Variants in IL1RAPL2 observed in about 807,000 individuals in gnomAD.
IL1RAPL2 encodes interleukin 1 receptor accessory protein like 2, also known as X-linked interleukin-1 receptor accessory protein-like 2.
In IL1RAPL2, 3 loss-of-function variants were observed where a neutral mutation model predicts 44.1. The ratio of observed to expected loss-of-function variants is 0.07; its 90% CI spans 0.03 to 0.18. The LOEUF (loss-of-function observed/expected upper bound fraction) is 0.18, where lower values mean the gene tolerates loss of function less well. Among genes scored for constraint, IL1RAPL2 ranks in the 10% least tolerant of loss-of-function variants. The probability of loss-of-function intolerance (pLI) is 1.00; values close to 1 mark genes in which losing one functional copy is unlikely to be tolerated. For synonymous variants in IL1RAPL2, 181 were observed against 178.8 expected, an observed-to-expected ratio of 1.01 and a Z score of -0.10; for missense variants, 391 against 496.4, an observed-to-expected ratio of 0.79 and a Z score of 2.02.
chrX:105,157,234 A>T (rs2033277560), intron 2 of IL1RAPL2, among the ~76,000 whole-genome samples: 1 of 110,846 alleles, frequency 9.0e-6, no homozygotes, highest in Non-Finnish European at 1.9e-5. Flanking sequence ...GGGGGACAGG[A>T]AAGCCATCAG....
intron 2 of IL1RAPL2, among the ~76,000 whole-genome samples, chrX:104,677,386 G>C (rs1203589037): frequency 9.0e-6 from 1 of 110,660 alleles, no homozygotes; most frequent in Non-Finnish European, 1.9e-5. Context: ...CCTGCTGGGG[G>C]GTGCCTCCCA....
At chrX:105,717,144 G>A (rs1465857330) in intron 6 of IL1RAPL2, among the ~76,000 whole-genome samples, 1 of 111,636 alleles carries the variant, frequency 9.0e-6, no homozygotes, top group East Asian at 2.9e-4. Flanking sequence ...AGAAAACTGA[G>A]TAACTTTGTA....
chrX:105,753,044 G>T (rs2038609004), intron 9 of IL1RAPL2: 1 of 327,096 alleles, frequency 3.1e-6, no homozygotes, highest in South Asian at 2.6e-5. Context: ...CATGCTCTTT[G>T]TCACATCTTA....
chrX:105,103,664 C>T (rs767571638), intron 2 of IL1RAPL2, among the ~76,000 whole-genome samples: 10 of 111,495 alleles, frequency 9.0e-5, no homozygotes, highest in African/African-American at 3.3e-4. Flanking sequence ...TAAAATTGGC[C>T]ATCTTTACAA....
intron 2 of IL1RAPL2, among the ~76,000 whole-genome samples, chrX:105,113,109 A>G (rs1410260785): frequency 2.7e-5 from 3 of 112,433 alleles, no homozygotes; most frequent in Non-Finnish European, 3.8e-5. Context: ...CTGTAATTAT[A>G]TAGGGGAGGA....
At chrX:105,479,413 A>C (rs1279720964) in intron 5 of IL1RAPL2, among the ~76,000 whole-genome samples, 1 of 111,346 alleles carries the variant, frequency 9.0e-6, no homozygotes, top group Non-Finnish European at 1.9e-5. Context: ...TAAGTTGTCT[A>C]TAGCATCAAT....
intron 5 of IL1RAPL2, among the ~76,000 whole-genome samples, chrX:105,465,354 G>A (rs757309095): frequency 8.9e-6 from 1 of 111,978 alleles, no homozygotes; most frequent in South Asian, 3.7e-4. Flanking sequence ...AGTGAACTTA[G>A]TATCAAGAAT....
chrX:105,266,043 T>C (rs1603039309), intron 4 of IL1RAPL2, among the ~76,000 whole-genome samples: 1 of 101,366 alleles, frequency 9.9e-6, no homozygotes, highest in East Asian at 2.9e-4. Flanking sequence ...CATGATAAAA[T>C]ACTTTTTTTT....
intron 2 of IL1RAPL2, among the ~76,000 whole-genome samples, chrX:104,996,069 T>C (rs1022117894): frequency 1.8e-5 from 2 of 111,479 alleles, no homozygotes; most frequent in Non-Finnish European, 3.8e-5. Flanking sequence ...ATGCTTTTTT[T>C]CCCCCTATCA....
chrX:105,012,598 TTCTCTCTCTCTCTCTCTCTCTCTCTC>T (rs1174323282), intron 2 of IL1RAPL2, among the ~76,000 whole-genome samples: 1 of 51,729 alleles, frequency 1.9e-5, no homozygotes, highest in African/African-American at 9.2e-5. Context: ...AACTTTCTCT[TTCTCTCTCTCTCTCTCTCTCTCTCTC>T]TCTCTCTCTC....
intron 2 of IL1RAPL2, among the ~76,000 whole-genome samples, chrX:104,672,911 G>A (rs1281003597): frequency 8.0e-5 from 9 of 111,852 alleles, no homozygotes; most frequent in Admixed American, 2.8e-4. Context: ...AGAAGTGTCT[G>A]TTCATGTCCT....
chrX:105,188,533 C>G (rs1213197425), intron 2 of IL1RAPL2, among the ~76,000 whole-genome samples: 1 of 111,038 alleles, frequency 9.0e-6, no homozygotes, highest in Admixed American at 9.6e-5. Flanking sequence ...GTGATCTTGA[C>G]AAAGCATTGC....
chrX:105,035,484 G>T (rs1340517471), intron 2 of IL1RAPL2, among the ~76,000 whole-genome samples: 1 of 111,879 alleles, frequency 8.9e-6, no homozygotes, highest in East Asian at 2.8e-4. Context: ...TCAAAAAATT[G>T]GGGAAATACT....
chrX:105,039,824 A>C (rs1265520209), intron 2 of IL1RAPL2, among the ~76,000 whole-genome samples: 1 of 111,553 alleles, frequency 9.0e-6, no homozygotes, highest in Non-Finnish European at 1.9e-5. Flanking sequence ...TGTCATCTGC[A>C]AACAGGGACA....
At chrX:105,152,946 G>T in intron 2 of IL1RAPL2, among the ~76,000 whole-genome samples, 1 of 112,426 alleles carries the variant, frequency 8.9e-6, no homozygotes, top group Middle Eastern at 4.6e-3. Flanking sequence ...AAACACTATT[G>T]TTCAGTGTAA....
chrX:105,382,741 C>G (rs79699005), intron 5 of IL1RAPL2, among the ~76,000 whole-genome samples: 1 of 89,690 alleles, frequency 1.1e-5, no homozygotes, highest in African/African-American at 9.1e-5. Flanking sequence ...CAATGATAGA[C>G]TGGATTAAGA....
At chrX:104,721,143 C>A (rs1931667269) in intron 2 of IL1RAPL2, among the ~76,000 whole-genome samples, 1 of 111,385 alleles carries the variant, frequency 9.0e-6, no homozygotes, top group Non-Finnish European at 1.9e-5. Flanking sequence ...GATCTAGAAC[C>A]AGGAATACTA....
At chrX:105,545,948 G>T (rs912164781) in intron 6 of IL1RAPL2, among the ~76,000 whole-genome samples, 4 of 111,518 alleles carry the variant, frequency 3.6e-5, no homozygotes, top group Non-Finnish European at 7.5e-5. Context: ...TCCCAACCAT[G>T]ACTGCAGCCT....
At chrX:104,776,062 C>T (rs2147599915) in intron 2 of IL1RAPL2, among the ~76,000 whole-genome samples, 1 of 111,853 alleles carries the variant, frequency 8.9e-6, no homozygotes, top group Admixed American at 9.5e-5. Flanking sequence ...CATTGATGTC[C>T]CTTTCCCTTG....
Sources: gnomAD v4.1 joint callset for allele counts (sites outside exome capture counted in the v4.1 genomes callset) on GRCh38, gnomAD v4.1.1 for gene constraint, MANE v1.5 for transcripts, NCBI Gene and HGNC (gene_info 2026-07-23, HGNC 2026-07-21) for gene names.